The following ADAMTS13 variants were observed in gnomAD, a reference collection of about 807,000 sequenced individuals.
ADAMTS13 encodes A disintegrin and metalloproteinase with thrombospondin motifs 13.
Under a neutral mutation model 155.1 loss-of-function variants are expected in ADAMTS13, and 110 were observed. That is an observed-to-expected ratio of 0.71 (90% CI 0.61 to 0.83). ADAMTS13 has a LOEUF of 0.83. Among genes scored for constraint, ADAMTS13 ranks in the 40% least tolerant of loss-of-function variants. ADAMTS13 has a pLI of 0.00. For missense variants in ADAMTS13, 1,707 were observed against 1,891.7 expected (o/e 0.90, Z 1.81); for synonymous variants, 758 against 756.4 (o/e 1.00, Z -0.03).
rs369130757 is a variant in ADAMTS13 at position 133,423,133 on chromosome 9, G to T, written c.138G>T (p.Val46=). Reference sequence around the variant, plus strand: ...TTCAGGCTTTGGAGCCACAGGCCGTGTCTTCTTACTTGAGCCCTGGTGCTC... The same window carrying T: ...TTCAGGCTTTGGAGCCACAGGCCGTTTCTTCTTACTTGAGCCCTGGTGCTC... The part of the protein sequence containing the change: ...SCLQALEPQA[V]SSYLSPGAPL... Residue 46 remains valine (V), a synonymous_variant, in exon 2 of 29, where the codon GTG becomes GTT. Transcript: ENST00000355699. The T allele has an allele frequency of 5.0e-6, 8 of 1,613,808 alleles. No individual in the cohort carries two copies. The African/African-American group carries it at 5.3e-5, about 11-fold the overall frequency.
chr9:133,433,586 T>C lies in ADAMTS13; in HGVS notation c.1245-55T>C, dbSNP rs1840946604. 3 of 1,613,782 alleles carry C rather than the reference T, an allele frequency of 1.9e-6. No homozygotes were observed. In the Admixed American group the frequency reaches 5.0e-5, roughly 27 times the overall value. On this transcript the variant is annotated intron_variant, in intron 10 of 28. Coordinates refer to ENST00000355699, the MANE Select transcript of ADAMTS13 (RefSeq NM_139027.6). The stretch of plus-strand genomic sequence containing the variant: ...AGTGTGGCCATACCATAGTCCCTAG[T>C]TGAAGGCAGTGGTCACCCTGCTCTC...
In ADAMTS13 at chr9:133,440,189, G is replaced by T. The variant is rs1841557266; in HGVS notation, c.1787-155G>T. Among the ~76,000 whole-genome samples, 1 of 152,222 alleles carries T rather than the reference G, an allele frequency of 6.6e-6. No individual in the cohort carries two copies. The highest frequency in any genetic ancestry group is 2.4e-5 in the African/African-American group (1 of 41,450). On this transcript the variant is annotated intron_variant, in intron 15 of 28. Coordinates refer to ENST00000355699, the MANE Select transcript of ADAMTS13 (RefSeq NM_139027.6). The surrounding 1 kb of genome is among the most constrained non-coding windows in gnomAD (Gnocchi z 4.3). ...AGCACTCACCAGGTTGTGGAAAGAG[G>T]CCTAGAGCCTCCGCTGTGGGGAAGC...
chr9:133,417,954 C>T, upstream of ADAMTS13: 1 of 977,024 alleles, frequency 1.0e-6, no homozygotes, highest in South Asian at 1.6e-5. Context: ...AACACACCCA[C>T]CGCAGGGACC....
At chr9:133,443,905 G>A (rs1250522276) in intron 19 of ADAMTS13, among the ~76,000 whole-genome samples, 4 of 152,082 alleles carry the variant, frequency 2.6e-5, no homozygotes, top group Non-Finnish European at 5.9e-5. Context: ...CCGTGCCCAC[G>A]TGGCTGCATC....
rs138416072 is a variant in ADAMTS13, at chr9:133,458,082, C to T, written c.3897C>T (p.Ala1299=). The part of the protein sequence containing the change: ...NMGAGTEGAN[A]SYILIRDTHS... ...GCGCTGGGACCGAGGGAGCCAATGC[C>T]AGCTACATCTTGGTGAGGCCCAGCA... The change falls in exon 28 of 29, where the codon GCC becomes GCT. Residue 1299 remains alanine (A), a synonymous_variant. Coordinates refer to ENST00000355699, the MANE Select transcript of ADAMTS13 (RefSeq NM_139027.6). 2 of 1,613,428 alleles carry T rather than the reference C, an allele frequency of 1.2e-6. No homozygotes were observed. The highest frequency in any genetic ancestry group is 1.7e-6 in the Non-Finnish European group (2 of 1,180,020).
Position 133,448,788 on chromosome 9 carries a change from C to G in ADAMTS13, c.2861+60C>G, listed in dbSNP as rs587650317. On this transcript the variant is annotated intron_variant, in intron 22 of 28. Coordinates refer to ENST00000355699, the MANE Select transcript of ADAMTS13 (RefSeq NM_139027.6). ...CTCCCTGTAAGTGGGAGACCCGAGCCTTGGCTCCATGCCCGGTGACCTGCG... is the reference window on the plus strand; with the variant it reads ...CTCCCTGTAAGTGGGAGACCCGAGCGTTGGCTCCATGCCCGGTGACCTGCG... The G allele has an allele frequency of 7.6e-6, 12 of 1,576,124 alleles. No homozygotes were observed. The South Asian group carries it at 1.1e-4, about 15-fold the overall frequency.
At position 133,442,664 on chromosome 9, in the gene ADAMTS13, G is replaced by A. The variant is rs782421679; in HGVS notation, c.2155G>A (p.Val719Met). The A allele has an allele frequency of 1.2e-6, 2 of 1,613,196 alleles. No individual in the cohort carries two copies. The highest frequency in any genetic ancestry group is 1.7e-6 in the Non-Finnish European group (2 of 1,180,024). The change falls in exon 18 of 29, where the codon GTG becomes ATG. Residue 719 changes from valine (V) to methionine (M), a missense_variant. Physicochemically the swap from Val to Met is conservative, Grantham distance 21. This residue lies in a region of ADAMTS13 where 961 missense variants were observed against 1,107.9 expected (regional missense o/e 0.87). Transcript: ENST00000355699. ...SCLDQARKEL[V>M]ETVQCQGSQQ... is the part of the protein sequence containing the mutation. ...CCTGGACCAGGCCAGGAAGGAGTTGGTGGAGACTGTCCAGTGCCAAGGGAG... is the reference window on the plus strand; with the variant it reads ...CCTGGACCAGGCCAGGAAGGAGTTGATGGAGACTGTCCAGTGCCAAGGGAG...
chr9:133,442,265 C>T (rs958960967), intron 16 of ADAMTS13, 134 bp from the exon 17 acceptor site: 3 of 1,410,362 alleles, frequency 2.1e-6, no homozygotes, highest in Non-Finnish European at 3.0e-6. Context: ...GCTACCGTGC[C>T]TGGCCAGTGA....
intron 15 of ADAMTS13, 113 bp downstream of exon 15, chr9:133,439,559 A>G: frequency 1.1e-6 from 1 of 933,460 alleles, no homozygotes; most frequent in Non-Finnish European, 1.8e-6. Context: ...GGTTCCCCAA[A>G]CCACCCTCAG....
chr9:133,425,613 G>A lies in ADAMTS13; in HGVS notation c.414+1G>A, dbSNP rs786205077. 1 of 1,613,404 alleles carries A rather than the reference G, an allele frequency of 6.2e-7. No individual in the cohort carries two copies. The highest frequency in any genetic ancestry group is 2.2e-5 in the East Asian group (1 of 44,888). ...GATGGTCATTCTGACAGAGCCTGAG[G>A]TAGGCATGGAGCTGGAACTCAGCAC... On this transcript the variant is annotated splice_donor_variant, in intron 4 of 28. Transcript: ENST00000355699. LOFTEE classifies it high-confidence loss of function. The surrounding 1 kb of genome is among the most constrained non-coding windows in gnomAD (Gnocchi z 4.6).
upstream of ADAMTS13, chr9:133,417,973 G>A (rs4463497): frequency 4.7e-6 from 4 of 846,872 alleles, no homozygotes; most frequent in Non-Finnish European, 7.2e-6. Flanking sequence ...CCCCGTCCAG[G>A]AAAAGACTCC....
At chr9:133,437,586 T>C (rs992585137) in intron 12 of ADAMTS13, among the ~76,000 whole-genome samples, 163 bp from the exon 13 acceptor site, 6 of 152,152 alleles carry the variant, frequency 3.9e-5, no homozygotes, top group African/African-American at 1.4e-4. Flanking sequence ...CCATTAATTA[T>C]TAGATTAGAT....
At chr9:133,416,628 T>G (rs1254307520) in intron 1 of ADAMTS13, among the ~76,000 whole-genome samples, 2 of 151,762 alleles carry the variant, frequency 1.3e-5, no homozygotes, top group Non-Finnish European at 2.9e-5. Context: ...CGTGGAAGAG[T>G]GTCTAGGAGA....
chr9:133,450,185 C>T (rs904070336), intron 23 of ADAMTS13, among the ~76,000 whole-genome samples: 5 of 151,626 alleles, frequency 3.3e-5, no homozygotes, highest in South Asian at 2.1e-4. Flanking sequence ...GTAATCCCAG[C>T]GCTATGGAAG....
chr9:133,451,894 C>A (rs1198569489), intron 23 of ADAMTS13, among the ~76,000 whole-genome samples: 1,237 of 79,146 alleles, frequency 0.016, no homozygotes, highest in African/African-American at 0.025. Context: ...GACCCTGTCT[C>A]AAAAAAAAAA....
chr9:133,448,715 C>G lies in ADAMTS13; in HGVS notation c.2848C>G (p.Pro950Ala). ...CCGGCGGGAGGTCTGCCAGGCTGTC[C>G]CGTGCCCTGCTCGGTGAGTGAGGGG... is the stretch of plus-strand genomic sequence containing the variant. ...GSRREVCQAV[P>A]CPARWQYKLA... Residue 950 changes from proline to alanine, a missense_variant, in exon 22 of 29, where the codon CCG becomes GCG. Around this residue, in one of 3 missense-constraint regions of ADAMTS13, gnomAD observed 961 missense variants for 1,107.9 expected, o/e 0.87. Coordinates refer to ENST00000355699, the MANE Select transcript of ADAMTS13 (RefSeq NM_139027.6). 6.2e-7 allele frequency: 1 copy of G among 1,601,900 alleles called. No homozygotes were observed. Among genetic ancestry groups the G allele is most frequent in the Admixed American group, 1.7e-5 (1 of 59,996 alleles).
At chr9:133,436,799 C>T in intron 11 of ADAMTS13, 30 bp from the exon 12 acceptor site, 1 of 924,314 alleles carries the variant, frequency 1.1e-6, no homozygotes. Flanking sequence ...GCCCCACCGC[C>T]ATCCCCCTCC....
At position 133,454,541 on chromosome 9, in the gene ADAMTS13, G is replaced by C. The variant is rs36222580; in HGVS notation, c.3171G>C (p.Ala1057=). 2 of 1,609,504 alleles carry C rather than the reference G, an allele frequency of 1.2e-6. No homozygotes were observed. The highest frequency in any genetic ancestry group is 2.2e-5 in the South Asian group (2 of 91,064). The change falls in exon 24 of 29, where the codon GCG becomes GCC. Residue 1057 remains alanine, a synonymous_variant. Transcript: ENST00000355699. ...DVEVDEAACA[A]LVRPEASVPC... ...AGGTGGACGAGGCGGCCTGTGCGGCGCTGGTGCGGCCCGAGGCCAGTGTCC... is the reference window on the plus strand; with the variant it reads ...AGGTGGACGAGGCGGCCTGTGCGGCCCTGGTGCGGCCCGAGGCCAGTGTCC...
In ADAMTS13 at chr9:133,445,775, T is replaced by C. The variant is rs1554792391; in HGVS notation, c.2687T>C (p.Val896Ala). ...AGGACGGGGGCTCAAGCTGCACACG[T>C]GTGGACCCCTGCGGCAGGGTCGTGC... ...SIRTGAQAAH[V>A]WTPAAGSCSV... Residue 896 changes from valine (V) to alanine (A), a missense_variant, in exon 21 of 29, where the codon GTG becomes GCG. Val to Ala is a moderately conservative substitution (Grantham distance 64). Coordinates refer to ENST00000355699, the MANE Select transcript of ADAMTS13 (RefSeq NM_139027.6). The surrounding 1 kb of genome is among the most constrained non-coding windows in gnomAD (Gnocchi z 5.0). The C allele has an allele frequency of 1.9e-6, 3 of 1,602,164 alleles. No individual in the cohort carries two copies. Among genetic ancestry groups the C allele is most frequent in the Admixed American group, 1.7e-5 (1 of 59,654 alleles).
Sources: gnomAD v4.1 joint callset for allele counts (sites outside exome capture counted in the v4.1 genomes callset) on GRCh38, gnomAD v4.1.1 for gene constraint, gnomAD v4.1.1 regional missense constraint, Gnocchi (gnomAD v3.1) non-coding constraint, MANE v1.5 for transcripts, NCBI Gene and HGNC (gene_info 2026-07-23, HGNC 2026-07-21) for gene names.